The following ETV6 variants were observed in gnomAD, a reference collection of about 807,000 sequenced individuals.
The protein encoded by ETV6 is transcription factor ETV6.
ETV6 carries 16 observed loss-of-function variants against 51.1 expected under a neutral mutation model. The observed-to-expected ratio is 0.31, with a 90% CI of 0.21 to 0.48. ETV6 has a LOEUF of 0.48. Among genes scored for constraint, ETV6 ranks in the 20% least tolerant of loss-of-function variants. ETV6 has a pLI of 0.99. For missense variants in ETV6, 458 were observed against 594.8 expected (o/e 0.77, Z 2.39); for synonymous variants, 240 against 224.1 (o/e 1.07, Z -0.64).
At chr12:11,743,912 C>G (rs17818624) in intron 1 of ETV6, among the ~76,000 whole-genome samples, 1 of 151,778 alleles carries the variant, frequency 6.6e-6, no homozygotes, top group Non-Finnish European at 1.5e-5. Context: ...GAGGAGGAGG[C>G]GAAGGGTTTA....
At chr12:11,691,133 G>A (rs961699512) in intron 1 of ETV6, among the ~76,000 whole-genome samples, 12 of 152,002 alleles carry the variant, frequency 7.9e-5, no homozygotes, top group Non-Finnish European at 1.5e-4. Context: ...GCAGAAGGGC[G>A]GGGAGCTCTC....
intron 1 of ETV6, among the ~76,000 whole-genome samples, chr12:11,698,653 G>A (rs903391969): frequency 3.9e-5 from 6 of 152,146 alleles, no homozygotes; most frequent in African/African-American, 1.4e-4. Context: ...TTTCTTTATA[G>A]GTGTGACCTC....
chr12:11,807,489 G>C (rs1945846178), intron 2 of ETV6, among the ~76,000 whole-genome samples: 1 of 152,194 alleles, frequency 6.6e-6, no homozygotes, highest in South Asian at 2.1e-4. Context: ...TAGACAGTGA[G>C]CAGGTGAGGC....
chr12:11,789,561 A>G (rs910055877), intron 2 of ETV6, among the ~76,000 whole-genome samples: 1 of 152,114 alleles, frequency 6.6e-6, no homozygotes, highest in African/African-American at 2.4e-5. Context: ...AATGGAGGAC[A>G]ATTTCCAATA....
At chr12:11,686,193 C>T (rs1864625371) in intron 1 of ETV6, among the ~76,000 whole-genome samples, 3 of 152,356 alleles carry the variant, frequency 2.0e-5, no homozygotes, top group East Asian at 1.9e-4. Flanking sequence ...TACTCTTCCT[C>T]ATTTGTCTTC....
At chr12:11,887,658 G>A (rs1423937184) in intron 7 of ETV6, among the ~76,000 whole-genome samples, 2 of 150,916 alleles carry the variant, frequency 1.3e-5, no homozygotes, top group African/African-American at 4.9e-5. Flanking sequence ...TGAGGCAGGA[G>A]AATCACTTGA....
chr12:11,839,770 C>T (rs1438117202), intron 3 of ETV6, among the ~76,000 whole-genome samples: 1 of 152,138 alleles, frequency 6.6e-6, no homozygotes, highest in Non-Finnish European at 1.5e-5. Flanking sequence ...GTCCCAGCTA[C>T]TCAAGAGGCT....
chr12:11,794,698 A>G lies in ETV6; in HGVS notation c.163+42119A>G, dbSNP rs1195317514. Among the ~76,000 whole-genome samples the G allele has an allele frequency of 2.0e-5, 3 of 152,198 alleles. No individual in the cohort carries two copies. The South Asian group carries it at 6.2e-4, about 32-fold the overall frequency. ...TATGGCTATGCAAGATAAACCAGTCATTTCAGATTTGTGGGGATTAGTAGA... is the reference window on the plus strand; with the variant it reads ...TATGGCTATGCAAGATAAACCAGTCGTTTCAGATTTGTGGGGATTAGTAGA... On this transcript the variant is annotated intron_variant, in intron 2 of 7. Coordinates refer to ENST00000396373, the MANE Select transcript of ETV6 (RefSeq NM_001987.5).
chr12:11,693,042 GA>G (rs1398177344), intron 1 of ETV6, among the ~76,000 whole-genome samples: 5 of 152,114 alleles, frequency 3.3e-5, no homozygotes, highest in African/African-American at 1.2e-4. Flanking sequence ...CCTGTTTCAA[GA>G]ATAGTAATAA....
intron 2 of ETV6, among the ~76,000 whole-genome samples, chr12:11,800,283 AT>A (rs1945727962): frequency 6.6e-6 from 1 of 152,186 alleles, no homozygotes; most frequent in African/African-American, 2.4e-5. Flanking sequence ...TTAATTTTTC[AT>A]TGGCAGATAA....
At chr12:11,656,148 CAT>C (rs1279297602) in intron 1 of ETV6, among the ~76,000 whole-genome samples, 2 of 152,124 alleles carry the variant, frequency 1.3e-5, no homozygotes, top group Non-Finnish European at 2.9e-5. Flanking sequence ...TACATTATCT[CAT>C]TTACTCTTCA....
At chr12:11,650,184 T>G in intron 1 of ETV6, 24 bp downstream of exon 1, 2 of 1,608,730 alleles carry the variant, frequency 1.2e-6, no homozygotes, top group South Asian at 1.1e-5. Flanking sequence ...CCCCTCCTTC[T>G]ACGTGGTGGA....
chr12:11,874,584 GTGTATACACATATATGTGTA>G (rs1946942464), intron 5 of ETV6, among the ~76,000 whole-genome samples: 1 of 10,458 alleles, frequency 9.6e-5, no homozygotes, highest in African/African-American at 1.3e-4. Flanking sequence ...ACATATATGT[GTGTATACACATATATGTGTA>G]TGTGCGTGTG....
At chr12:11,705,968 C>T (rs148428606) in intron 1 of ETV6, among the ~76,000 whole-genome samples, 1,615 of 152,044 alleles carry the variant, frequency 0.011, 28 homozygotes, top group African/African-American at 0.037. Context: ...CTTATTGTAG[C>T]GGCAGGAGCT....
chr12:11,733,300 C>T (rs546315244), intron 1 of ETV6, among the ~76,000 whole-genome samples: 4 of 143,710 alleles, frequency 2.8e-5, no homozygotes, highest in African/African-American at 5.2e-5. Context: ...CCCAGCTGCT[C>T]GGGAGGCTGA....
intron 1 of ETV6, among the ~76,000 whole-genome samples, chr12:11,724,893 C>T (rs978576033): frequency 1.3e-5 from 2 of 152,204 alleles, no homozygotes; most frequent in Middle Eastern, 3.2e-3. Context: ...TAAATCGCAA[C>T]AGAGTTTCGG....
chr12:11,672,200 A>T (rs867312234), intron 1 of ETV6, among the ~76,000 whole-genome samples: 4 of 152,256 alleles, frequency 2.6e-5, no homozygotes, highest in Middle Eastern at 3.4e-3. Context: ...TCTATTTGAC[A>T]ATGTACTCTG....
At chr12:11,724,904 T>G (rs914515511) in intron 1 of ETV6, among the ~76,000 whole-genome samples, 1 of 152,222 alleles carries the variant, frequency 6.6e-6, no homozygotes, top group African/African-American at 2.4e-5. Flanking sequence ...AGAGTTTCGG[T>G]TGTGGCTGCT....
chr12:11,755,506 T>C (rs1437360213), intron 2 of ETV6, among the ~76,000 whole-genome samples: 2 of 152,152 alleles, frequency 1.3e-5, no homozygotes, highest in South Asian at 2.1e-4. Context: ...GCTGGGACTT[T>C]CCAAATGAGG....
Sources: allele counts gnomAD v4.1 joint callset (sites outside exome capture counted in the v4.1 genomes callset), GRCh38; gene constraint gnomAD v4.1.1; transcripts MANE v1.5; gene names NCBI Gene and HGNC (gene_info 2026-07-23, HGNC 2026-07-21).